Variants in TCEA3 observed in about 807,000 individuals in gnomAD.
TCEA3 encodes transcription elongation factor A3.
A neutral mutation model predicts 44.0 loss-of-function variants in TCEA3; 36 were observed. The observed-to-expected ratio is 0.82, with a 90% CI of 0.63 to 1.08. TCEA3 has a LOEUF of 1.08. TCEA3 is among the 50% of genes least tolerant of loss of function. TCEA3 has a pLI of 0.00. For missense variants in TCEA3, 392 were observed against 441.2 expected, an observed-to-expected ratio of 0.89 and a Z score of 1.00; for synonymous variants, 162 against 159.7, an observed-to-expected ratio of 1.01 and a Z score of -0.11.
At chr1:23,416,924 G>A (rs1288990101) in intron 4 of TCEA3, among the ~76,000 whole-genome samples, 1 of 152,184 alleles carries the variant, frequency 6.6e-6, no homozygotes, top group Non-Finnish European at 1.5e-5. Context: ...CTGTTGCCTG[G>A]GTGGGCCAGA....
At chr1:23,401,518 T>G (rs1248916803) in intron 5 of TCEA3, among the ~76,000 whole-genome samples, 1 of 151,708 alleles carries the variant, frequency 6.6e-6, no homozygotes, top group Non-Finnish European at 1.5e-5. Flanking sequence ...GAGGTTTGGG[T>G]GAGGAAAGGC....
intron 8 of TCEA3, among the ~76,000 whole-genome samples, chr1:23,393,658 A>C (rs1447139770): frequency 6.6e-6 from 1 of 152,236 alleles, no homozygotes; most frequent in Non-Finnish European, 1.5e-5. Context: ...TGTGAACATA[A>C]ACTTGGCCAA....
At chr1:23,410,832 A>G (rs1183567169) in intron 4 of TCEA3, 1 of 153,392 alleles carries the variant, frequency 6.5e-6, no homozygotes, top group Non-Finnish European at 1.5e-5. Flanking sequence ...AATAGAAACC[A>G]TGTTTCAAAG....
chr1:23,384,239 C>G (rs1638754479), intron 10 of TCEA3, 107 bp downstream of exon 10: 8 of 1,594,206 alleles, frequency 5.0e-6, no homozygotes, highest in Non-Finnish European at 6.8e-6. Context: ...TGCAGGCTGG[C>G]AAGTGCTGCC....
chr1:23,392,407 ATCATGCAC>A (rs1258923822), intron 8 of TCEA3, among the ~76,000 whole-genome samples: 1 of 2,938 alleles, frequency 3.4e-4, no homozygotes, highest in Non-Finnish European at 5.8e-4. Flanking sequence ...TCCACACATC[ATCATGCAC>A]AATACACACA....
Position 23,398,930 on chromosome 1 carries a change from C to T in TCEA3, c.444-975G>A, listed in dbSNP as rs1035036952. Among the ~76,000 whole-genome samples the T allele has an allele frequency of 2.6e-5, 4 of 151,432 alleles. No individual in the cohort carries two copies. The South Asian group carries it at 6.3e-4, about 24-fold the overall frequency. On this transcript the variant is annotated intron_variant, in intron 5 of 10. Coordinates refer to ENST00000450454, the MANE Select transcript of TCEA3 (RefSeq NM_003196.3). The stretch of plus-strand genomic sequence containing the variant: ...CACAGGAGCACGCCATCATGCCTGG[C>T]TAATTTTTACCTTTTTTTGCAGAGA...
chr1:23,384,677 T>G (rs1304847901), intron 9 of TCEA3, among the ~76,000 whole-genome samples: 1 of 149,686 alleles, frequency 6.7e-6, no homozygotes, highest in Non-Finnish European at 1.5e-5. Context: ...TTTTTTTTTT[T>G]TTTTTTGACA....
At chr1:23,420,726 G>A (rs1242637195) in intron 1 of TCEA3, among the ~76,000 whole-genome samples, 1 of 152,200 alleles carries the variant, frequency 6.6e-6, no homozygotes, top group East Asian at 1.9e-4. Context: ...TCAGCAGAGA[G>A]TCCAGTGCTC....
rs1011359953 is a variant in TCEA3 at position 23,413,062 on chromosome 1, T to A, written c.380+4187A>T. ...GTGAAAAGTGAGTGGGCATAACAAT[T>A]TAGTGTCCCAGGAAAATGTATAGTG... On this transcript the variant is annotated intron_variant, in intron 4 of 10. Coordinates refer to ENST00000450454, the MANE Select transcript of TCEA3 (RefSeq NM_003196.3). 1.2e-4 allele frequency among the ~76,000 whole-genome samples: 18 copies of A among 152,172 alleles called. 1 individual carries two copies. The highest frequency in any genetic ancestry group is 2.5e-4 in the Non-Finnish European group (17 of 68,026).
intron 10 of TCEA3, chr1:23,383,376 T>C (rs687886): frequency 0.9 from 818,860 of 908,096 alleles, 372,120 homozygotes; most frequent in Non-Finnish European, 0.92. Flanking sequence ...TAACTATTTC[T>C]GTATTTCAAT....
intron 8 of TCEA3, among the ~76,000 whole-genome samples, chr1:23,392,477 A>ATG (rs1553166389): frequency 4.9e-5 from 2 of 40,676 alleles, no homozygotes; most frequent in South Asian, 1.0e-3. Flanking sequence ...CATACACACC[A>ATG]CACACTCCAC....
chr1:23,407,988 G>T (rs1639591901), intron 5 of TCEA3, among the ~76,000 whole-genome samples: 1 of 151,760 alleles, frequency 6.6e-6, no homozygotes, highest in Admixed American at 6.6e-5. Context: ...TTGAGATGGG[G>T]TCTCACTCTG....
intron 5 of TCEA3, chr1:23,404,027 G>A: frequency 1.5e-6 from 1 of 675,788 alleles, no homozygotes; most frequent in Non-Finnish European, 2.7e-6. Flanking sequence ...TCTGCTCCCC[G>A]GATGTGCCCG....
At chr1:23,390,015 G>C (rs187181927) in intron 8 of TCEA3, among the ~76,000 whole-genome samples, 3 of 152,296 alleles carry the variant, frequency 2.0e-5, no homozygotes, top group Non-Finnish European at 4.4e-5. Flanking sequence ...TTGCAAGAGA[G>C]GGAAGGAAGT....
At chr1:23,387,674 C>T (rs969822605) in intron 8 of TCEA3, among the ~76,000 whole-genome samples, 1 of 152,218 alleles carries the variant, frequency 6.6e-6, no homozygotes, top group Non-Finnish European at 1.5e-5. Context: ...TGCCCGAGGA[C>T]GAGCACTCCT....
At chr1:23,393,517 C>T (rs1639124731) in intron 8 of TCEA3, among the ~76,000 whole-genome samples, 1 of 152,128 alleles carries the variant, frequency 6.6e-6, no homozygotes, top group Admixed American at 6.5e-5. Flanking sequence ...CAACCTAGCG[C>T]TGGGGCCAGA....
At chr1:23,400,374 T>TA in intron 5 of TCEA3, among the ~76,000 whole-genome samples, 1 of 7,346 alleles carries the variant, frequency 1.4e-4, no homozygotes, top group Non-Finnish European at 1.7e-3. Flanking sequence ...CACACCAGGC[T>TA]TTTTTTTTTT....
In TCEA3 at chr1:23,383,011, G is replaced by A. The variant is rs562805925; in HGVS notation, c.1038+1335C>T. Among the ~76,000 whole-genome samples, 11 of 152,300 alleles carry A rather than the reference G, an allele frequency of 7.2e-5. No homozygotes were observed. The East Asian group carries it at 7.7e-4, about 11-fold the overall frequency. On this transcript the variant is annotated intron_variant, in intron 10 of 10. Transcript: ENST00000450454. ...AAAATAATTAGAGGCCGGGCGCGGC[G>A]GCTCACGCCTGTAATCCCAGCACTT...
chr1:23,383,279 CAAAA>C (rs10604385), intron 10 of TCEA3, among the ~76,000 whole-genome samples: 24 of 118,470 alleles, frequency 2.0e-4, no homozygotes, highest in Admixed American at 5.2e-4. Context: ...GACTCCATCT[CAAAA>C]AAAAAAAAAA....
Sources: allele counts gnomAD v4.1 joint callset (sites outside exome capture counted in the v4.1 genomes callset), GRCh38; gene constraint gnomAD v4.1.1; transcripts MANE v1.5; gene names NCBI Gene and HGNC (gene_info 2026-07-23, HGNC 2026-07-21).